The following F13A1 variants were observed in gnomAD, a reference collection of about 807,000 sequenced individuals.
The protein encoded by F13A1 is FSF, A subunit.
A neutral mutation model predicts 80.1 loss-of-function variants in F13A1; 47 were observed. The ratio of observed to expected loss-of-function variants is 0.59; its 90% confidence interval spans 0.46 to 0.75. The LOEUF is 0.75. Ranked by LOEUF, F13A1 falls within the 30% of genes least tolerant of loss-of-function variation. The pLI is 0.00. For missense variants in F13A1, 817 were observed against 930.4 expected, an observed-to-expected ratio of 0.88 and a Z score of 1.59; for synonymous variants, 349 against 344.9, an observed-to-expected ratio of 1.01 and a Z score of -0.13.
chr6:6,272,854 G>A (rs182191798), intron 3 of F13A1, among the ~76,000 whole-genome samples: 28 of 152,296 alleles, frequency 1.8e-4, no homozygotes, highest in Admixed American at 4.6e-4. Context: ...AAATGTCAAG[G>A]ATAGTTTTCT....
rs1757085432 is a variant in F13A1 at position 6,216,195 on chromosome 6, C to T, written c.1112+5838G>A. Among the ~76,000 whole-genome samples, 3 of 152,052 alleles carry T rather than the reference C, an allele frequency of 2.0e-5. No individual in the cohort carries two copies. In the South Asian group the frequency reaches 6.2e-4, roughly 32 times the overall value. ...AAACTACCTGAAAGTTCATATGGAA[C>T]CAAAAGAGAGCCTGCATCGCCAAGT... On this transcript the variant is annotated intron_variant, in intron 8 of 14. Coordinates refer to ENST00000264870, the MANE Select transcript of F13A1 (RefSeq NM_000129.4).
At chr6:6,293,060 T>C (rs1758245650) in intron 3 of F13A1, among the ~76,000 whole-genome samples, 1 of 152,066 alleles carries the variant, frequency 6.6e-6, no homozygotes, top group South Asian at 2.1e-4. Flanking sequence ...TAACCAGAAA[T>C]GTGAAGCTTG....
chr6:6,220,474 G>A lies in F13A1; in HGVS notation c.1112+1559C>T, dbSNP rs556897210. Among the ~76,000 whole-genome samples, 3 of 152,186 alleles carry A rather than the reference G, an allele frequency of 2.0e-5. No homozygotes were observed. In the South Asian group the frequency reaches 6.2e-4, roughly 32 times the overall value. On this transcript the variant is annotated intron_variant, in intron 8 of 14. Coordinates refer to ENST00000264870, the MANE Select transcript of F13A1 (RefSeq NM_000129.4). ...AGGAGTGCCTCATAGGGACTTATTT[G>A]ATGATGGGAGGTACCTGAATCAAGG...
chr6:6,319,888 G>A (rs761480004), intron 1 of F13A1, among the ~76,000 whole-genome samples: 40 of 152,226 alleles, frequency 2.6e-4, no homozygotes, highest in Non-Finnish European at 4.1e-4. Flanking sequence ...ACGGGGGAAG[G>A]GAGGGAGAAG....
intron 14 of F13A1, 133 bp from the exon 15 acceptor site, chr6:6,145,905 C>T: frequency 1.7e-6 from 2 of 1,187,014 alleles, no homozygotes; most frequent in African/African-American, 1.5e-5. Context: ...AAGACTCTCA[C>T]TGGCTGATTC....
chr6:6,161,751 C>T (rs56041931), intron 13 of F13A1, among the ~76,000 whole-genome samples: 58,534 of 151,958 alleles, frequency 0.39, 11,797 homozygotes, highest in South Asian at 0.46. Flanking sequence ...CTGACTCACA[C>T]ATGGTGGGTG....
At chr6:6,241,634 CA>C (rs111823368) in intron 6 of F13A1, among the ~76,000 whole-genome samples, 9 of 151,940 alleles carry the variant, frequency 5.9e-5, no homozygotes, top group African/African-American at 1.9e-4. Context: ...CCGTTCACTC[CA>C]AAAAAAGAGG....
intron 4 of F13A1, among the ~76,000 whole-genome samples, chr6:6,263,139 T>C (rs184175783): frequency 6.6e-6 from 1 of 152,316 alleles, no homozygotes; most frequent in East Asian, 1.9e-4. Context: ...CTCTCTTGTC[T>C]TTAAAAAATT....
chr6:6,298,939 G>T (rs910828064), intron 3 of F13A1, among the ~76,000 whole-genome samples: 2 of 148,448 alleles, frequency 1.3e-5, no homozygotes, highest in African/African-American at 5.2e-5. Flanking sequence ...TTTAGGGCAG[G>T]CCTGGTGGTG....
intron 12 of F13A1, among the ~76,000 whole-genome samples, chr6:6,173,379 C>T (rs1388877329): frequency 1.3e-5 from 2 of 150,296 alleles, no homozygotes; most frequent in African/African-American, 2.5e-5. Context: ...TCCTAGATGA[C>T]ACAGCTTTGT....
intron 4 of F13A1, among the ~76,000 whole-genome samples, chr6:6,253,767 A>C (rs936466048): frequency 3.1e-4 from 47 of 152,372 alleles, no homozygotes; most frequent in African/African-American, 1.1e-3. Flanking sequence ...AAATATATGG[A>C]AGGAGCTAGA....
At chr6:6,172,574 T>C (rs1162673495) in intron 12 of F13A1, among the ~76,000 whole-genome samples, 1 of 151,890 alleles carries the variant, frequency 6.6e-6, no homozygotes, top group Admixed American at 6.6e-5. Context: ...GCCTCCCAAG[T>C]AGCTGGGATT....
intron 3 of F13A1, among the ~76,000 whole-genome samples, chr6:6,279,465 CCATA>C (rs1758032392): frequency 6.6e-6 from 1 of 152,156 alleles, no homozygotes; most frequent in Non-Finnish European, 1.5e-5. Context: ...AAGAATGTTT[CCATA>C]TTTCTTGGGT....
In F13A1 at chr6:6,234,379, G is replaced by A. The variant is rs571591555; in HGVS notation, c.799-9519C>T. On this transcript the variant is annotated intron_variant, in intron 6 of 14. Transcript: ENST00000264870. ...ATTGTCGAACATGAAGTACTTCAGG[G>A]AATATGGTACCTATCATAACCAAAC... 2.8e-4 allele frequency among the ~76,000 whole-genome samples: 43 copies of A among 151,984 alleles called. 1 individual carries two copies. Among genetic ancestry groups the A allele is most frequent in the African/African-American group, 9.9e-4 (41 of 41,510 alleles).
At chr6:6,222,011 T>C in intron 8 of F13A1, 22 bp downstream of exon 8, 1 of 1,612,382 alleles carries the variant, frequency 6.2e-7, no homozygotes, top group Non-Finnish European at 8.5e-7. Context: ...CATCAGCCAA[T>C]GCCATTGTCA....
intron 4 of F13A1, among the ~76,000 whole-genome samples, chr6:6,259,027 A>G (rs1757742703): frequency 1.3e-5 from 2 of 152,216 alleles, no homozygotes; most frequent in Non-Finnish European, 2.9e-5. Flanking sequence ...AAGCTATACG[A>G]AGATTGTGTC....
intron 6 of F13A1, among the ~76,000 whole-genome samples, chr6:6,229,060 G>A (rs1757315837): frequency 6.6e-6 from 1 of 152,206 alleles, no homozygotes; most frequent in Non-Finnish European, 1.5e-5. Flanking sequence ...TAGATAGAAT[G>A]TGGTACATTG....
chr6:6,307,368 G>A (rs754813060), intron 2 of F13A1, among the ~76,000 whole-genome samples: 1 of 152,168 alleles, frequency 6.6e-6, no homozygotes, highest in Non-Finnish European at 1.5e-5. Context: ...AGCTAAAGAT[G>A]TTTAATTCTC....
chr6:6,232,315 C>CA (rs1482746854), intron 6 of F13A1, among the ~76,000 whole-genome samples: 3 of 151,944 alleles, frequency 2.0e-5, no homozygotes, highest in African/African-American at 7.3e-5. Flanking sequence ...TTATATCAGA[C>CA]AAAACAAACT....
Sources: gnomAD v4.1 joint callset for allele counts (sites outside exome capture counted in the v4.1 genomes callset) on GRCh38, gnomAD v4.1.1 for gene constraint, MANE v1.5 for transcripts, NCBI Gene and HGNC (gene_info 2026-07-23, HGNC 2026-07-21) for gene names.